VWA8: variants seen among roughly 807,000 people sequenced by gnomAD.
The protein encoded by VWA8 is von Willebrand factor A domain-containing protein 8.
A neutral mutation model predicts 241.5 loss-of-function variants in VWA8; 221 were observed. That is an observed-to-expected ratio of 0.91 (90% CI 0.82 to 1.02). The LOEUF (loss-of-function observed/expected upper bound fraction) is 1.02, where lower values mean the gene tolerates loss of function less well. Among genes scored for constraint, VWA8 ranks in the 50% least tolerant of loss-of-function variants. The pLI is 0.00. For synonymous variants in VWA8, 852 were observed against 827.1 expected (o/e 1.03, Z -0.52); for missense variants, 2,322 against 2,328.7 (o/e 1.00, Z 0.06).
At chr13:41,867,649 ATCAATAT>A (rs1463166579) in intron 10 of VWA8, among the ~76,000 whole-genome samples, 4 of 152,226 alleles carry the variant, frequency 2.6e-5, no homozygotes, top group Non-Finnish European at 5.9e-5. Flanking sequence ...GGTGGATATA[ATCAATAT>A]TCAGTTCAAT....
chr13:41,960,702 G>T, intron 1 of VWA8, 151 bp downstream of exon 1: 1 of 1,170,838 alleles, frequency 8.5e-7, no homozygotes, highest in East Asian at 3.2e-5. Flanking sequence ...TAGCGCCGAG[G>T]TCGGGACTAG....
At chr13:41,697,860 A>G (rs550163049) in intron 29 of VWA8, among the ~76,000 whole-genome samples, 1 of 152,036 alleles carries the variant, frequency 6.6e-6, no homozygotes, top group South Asian at 2.1e-4. Flanking sequence ...TCCAACCCAC[A>G]GTGTAACCTC....
chr13:41,636,763 C>T (rs1320199751), intron 37 of VWA8, among the ~76,000 whole-genome samples: 2 of 152,168 alleles, frequency 1.3e-5, no homozygotes, highest in Non-Finnish European at 2.9e-5. Flanking sequence ...AGGATATGAA[C>T]AGACACTTTT....
At chr13:41,874,201 A>G (rs1211033508) in intron 9 of VWA8, among the ~76,000 whole-genome samples, 6 of 151,076 alleles carry the variant, frequency 4.0e-5, no homozygotes, top group African/African-American at 9.7e-5. Context: ...AATAAGAGCT[A>G]TCTATGACAA....
intron 37 of VWA8, among the ~76,000 whole-genome samples, chr13:41,635,818 G>A (rs1298626814): frequency 2.6e-5 from 4 of 151,354 alleles, no homozygotes; most frequent in East Asian, 3.9e-4. Context: ...CTTGAAGAAC[G>A]AGTAAGAATT....
chr13:41,923,432 A>C (rs1876663393), intron 2 of VWA8, among the ~76,000 whole-genome samples: 1 of 152,182 alleles, frequency 6.6e-6, no homozygotes, highest in South Asian at 2.1e-4. Context: ...CTTAAAGTAT[A>C]ATTTAAAAAA....
intron 35 of VWA8, among the ~76,000 whole-genome samples, chr13:41,678,606 T>C (rs1367179760): frequency 6.6e-6 from 1 of 152,232 alleles, no homozygotes; most frequent in Non-Finnish European, 1.5e-5. Context: ...AAATAAGGAA[T>C]AGTATTAAGT....
At chr13:41,860,920 T>C (rs1322288654) in intron 12 of VWA8, among the ~76,000 whole-genome samples, 1 of 152,138 alleles carries the variant, frequency 6.6e-6, no homozygotes, top group Non-Finnish European at 1.5e-5. Context: ...GATGACAAAT[T>C]ATTTCCAGTT....
At chr13:41,758,840 T>C (rs2045718811) in intron 21 of VWA8, among the ~76,000 whole-genome samples, 1 of 151,410 alleles carries the variant, frequency 6.6e-6, no homozygotes, top group Non-Finnish European at 1.5e-5. Context: ...GGAAGTTTCC[T>C]GATATTTGTA....
intron 14 of VWA8, among the ~76,000 whole-genome samples, chr13:41,821,336 A>C (rs1321583738): frequency 6.6e-6 from 1 of 152,188 alleles, no homozygotes; most frequent in African/African-American, 2.4e-5. Flanking sequence ...TTATAAAAAC[A>C]GTCACCGAAC....
rs528904099 is a variant in VWA8 at position 41,578,625 on chromosome 13, G to A, written c.5272-2787C>T. ...ACCTGATCTGGTTTCTACGATGATCGTGAAATCCAACTTGACAGGGCCTCG... is the reference window on the plus strand; with the variant it reads ...ACCTGATCTGGTTTCTACGATGATCATGAAATCCAACTTGACAGGGCCTCG... On this transcript the variant is annotated intron_variant, in intron 42 of 44. Coordinates refer to ENST00000379310, the MANE Select transcript of VWA8 (RefSeq NM_015058.2). 4.1e-4 allele frequency among the ~76,000 whole-genome samples: 62 copies of A among 152,244 alleles called. 1 individual carries two copies. In the South Asian group the frequency reaches 0.011, roughly 26 times the overall value.
At chr13:41,917,760 C>A (rs1427574706) in intron 2 of VWA8, among the ~76,000 whole-genome samples, 1 of 152,198 alleles carries the variant, frequency 6.6e-6, no homozygotes, top group Non-Finnish European at 1.5e-5. Context: ...GAAAGGAACC[C>A]AGTACTTACT....
At chr13:41,649,048 G>GT (rs1241324429) in intron 37 of VWA8, among the ~76,000 whole-genome samples, 1 of 151,254 alleles carries the variant, frequency 6.6e-6, no homozygotes, top group African/African-American at 2.4e-5. Context: ...GCTGGGCGTG[G>GT]TGGGGGGGTG....
intron 18 of VWA8, among the ~76,000 whole-genome samples, chr13:41,784,729 T>TATATATACACAC (rs772522331): frequency 5.0e-5 from 3 of 60,080 alleles, no homozygotes; most frequent in Non-Finnish European, 7.2e-5. Context: ...TATATATATA[T>TATATATACACAC]ACACACACAT....
chr13:41,817,147 G>A (rs1362490466), intron 15 of VWA8, among the ~76,000 whole-genome samples: 1 of 152,120 alleles, frequency 6.6e-6, no homozygotes, highest in African/African-American at 2.4e-5. Context: ...GACATTTTAA[G>A]TACTAATTAG....
At chr13:41,582,763 A>T (rs1489698954) in intron 42 of VWA8, among the ~76,000 whole-genome samples, 2 of 152,224 alleles carry the variant, frequency 1.3e-5, no homozygotes, top group Non-Finnish European at 2.9e-5. Flanking sequence ...TGCATGGTAC[A>T]CAGCCACTGA....
chr13:41,611,868 C>T, intron 38 of VWA8, 136 bp from the exon 39 acceptor site: 1 of 1,009,720 alleles, frequency 9.9e-7, no homozygotes. Flanking sequence ...AAATTACCTT[C>T]TGGAAAAAGA....
In VWA8 at chr13:41,960,979, C is replaced by A; in HGVS notation, c.37G>T (p.Gly13Cys). 1 of 1,422,838 alleles carries A rather than the reference C, an allele frequency of 7.0e-7. No homozygotes were observed. The highest frequency in any genetic ancestry group is 9.1e-7 in the Non-Finnish European group (1 of 1,097,230). The allele number at this position is 1,422,838 out of a possible 1,614,324, so 88.1% of individuals were successfully genotyped here. ...CGCCGCGAGGCCGGGCCGCCGTGGCCTCCGGGTGCCCCGAGGAGTAGAAGC... is the reference window on the plus strand; with the variant it reads ...CGCCGCGAGGCCGGGCCGCCGTGGCATCCGGGTGCCCCGAGGAGTAGAAGC... The part of the protein sequence containing the change: ...SRLLLLGAPG[G>C]HGGPASRRMR... The change falls in exon 1 of 45, where the codon GGC (glycine) becomes TGC (cysteine). Residue 13 changes from glycine to cysteine, a missense_variant. By Grantham distance (159) the Gly-to-Cys change is radical. Coordinates refer to ENST00000379310, the MANE Select transcript of VWA8 (RefSeq NM_015058.2).
intron 12 of VWA8, among the ~76,000 whole-genome samples, chr13:41,850,894 A>G (rs916884175): frequency 2.0e-5 from 3 of 152,210 alleles, no homozygotes; most frequent in African/African-American, 7.2e-5. Flanking sequence ...AGTATTCAAA[A>G]TGATGGTCTT....
Sources: allele counts gnomAD v4.1 joint callset (sites outside exome capture counted in the v4.1 genomes callset), GRCh38; gene constraint gnomAD v4.1.1; transcripts MANE v1.5; gene names NCBI Gene and HGNC (gene_info 2026-07-23, HGNC 2026-07-21).